The following OR6C68 variants were observed in gnomAD, a reference collection of about 807,000 sequenced individuals.
OR6C68 encodes olfactory receptor 6C68.
For missense variants in OR6C68, 440 were observed against 368.5 expected, an observed-to-expected ratio of 1.19 and a Z score of -1.59; for synonymous variants, 161 against 129.8, an observed-to-expected ratio of 1.24 and a Z score of -1.63.
At position 55,492,812 on chromosome 12, in the gene OR6C68, T is replaced by C. The variant is rs760225447; in HGVS notation, c.435T>C (p.Cys145=). 6.2e-7 allele frequency: 1 copy of C among 1,614,166 alleles called. No homozygotes were observed. Residue 145 remains cysteine (C), a synonymous_variant, in exon 1 of 1, where the codon TGT becomes TGC. Transcript: ENST00000548615. ...SNKVCKTMVI[C]CWMAALMIIL... ...AAGTGTGCAAAACAATGGTTATTTG[T>C]TGTTGGATGGCAGCACTTATGATTA...
rs747724552 is a variant in OR6C68 at position 55,493,283 on chromosome 12, A to G, written c.906A>G (p.Ser302=). ...AAGTTAAACAAGCCTTTCATGACTCACTCAAAAAAATTGCATTTCGTTTAA... is the reference window on the plus strand; with the variant it reads ...AAGTTAAACAAGCCTTTCATGACTCGCTCAAAAAAATTGCATTTCGTTTAA... The part of the protein sequence containing the change: ...NEQVKQAFHD[S]LKKIAFRLKK The change falls in exon 1 of 1, where the codon TCA becomes TCG. Residue 302 remains serine (S), a synonymous_variant. Transcript: ENST00000548615. The G allele has an allele frequency of 6.4e-7, 1 of 1,572,194 alleles. No individual in the cohort carries two copies. Among genetic ancestry groups the G allele is most frequent in the Non-Finnish European group, 8.6e-7 (1 of 1,164,006 alleles).
chr12:55,492,689 C>G lies in OR6C68; in HGVS notation c.312C>G (p.Leu104=). 3 of 1,614,074 alleles carry G rather than the reference C, an allele frequency of 1.9e-6. No individual in the cohort carries two copies. The highest frequency in any genetic ancestry group is 2.5e-6 in the Non-Finnish European group (3 of 1,179,982). ...TCATTCAGCTATTTTTTGCAGACCT[C>G]TTTGGGGTAACTGAATTTTTTCTTT... ...ACVIQLFFAD[L]FGVTEFFLLA... The change falls in exon 1 of 1, where the codon CTC becomes CTG. Residue 104 remains leucine, a synonymous_variant. Transcript: ENST00000548615.
rs963510222 is a variant in OR6C68, at chr12:55,492,794, C to A, written c.417C>A (p.Cys139Ter). The change falls in exon 1 of 1, where the codon TGC (cysteine) becomes TGA (stop). Residue 139 changes from cysteine to a stop codon, truncating the protein, a stop_gained. Coordinates refer to ENST00000548615, the MANE Select transcript of OR6C68 (RefSeq NM_001005519.2). LOFTEE classifies it low-confidence loss of function (END_TRUNC). ...TGGCAATCATGAGCAACAAAGTGTGCAAAACAATGGTTATTTGTTGTTGGA... is the reference window on the plus strand; with the variant it reads ...TGGCAATCATGAGCAACAAAGTGTGAAAAACAATGGTTATTTGTTGTTGGA... ...HYMAIMSNKV[C>*]KTMVICCWMA... The A allele has an allele frequency of 3.1e-6, 5 of 1,614,094 alleles. No homozygotes were observed. Among genetic ancestry groups the A allele is most frequent in the Non-Finnish European group, 4.2e-6 (5 of 1,179,984 alleles).
Position 55,492,583 on chromosome 12 carries a change from T to C in OR6C68, c.206T>C (p.Ile69Thr). The C allele has an allele frequency of 6.2e-7, 1 of 1,613,202 alleles. No individual in the cohort carries two copies. Among genetic ancestry groups the C allele is most frequent in the Non-Finnish European group, 8.5e-7 (1 of 1,179,516 alleles). Reference protein sequence around the residue: ...FFLQNLSFLEISFTATCVPRF... With the variant: ...FFLQNLSFLETSFTATCVPRF... Reference sequence around the variant, plus strand: ...CTCCAAAATTTATCTTTCTTAGAAATCTCATTTACAGCTACCTGTGTTCCA... The same window carrying C: ...CTCCAAAATTTATCTTTCTTAGAAACCTCATTTACAGCTACCTGTGTTCCA... Residue 69 changes from isoleucine to threonine, a missense_variant, in exon 1 of 1, where the codon ATC becomes ACC. Physicochemically the swap from Ile to Thr is moderately conservative, Grantham distance 89. Transcript: ENST00000548615.
In OR6C68 at chr12:55,492,947, A is replaced by G. The variant is rs1407476227; in HGVS notation, c.570A>G (p.Thr190=). Residue 190 remains threonine, a synonymous_variant, in exon 1 of 1, where the codon ACA becomes ACG. Coordinates refer to ENST00000548615, the MANE Select transcript of OR6C68 (RefSeq NM_001005519.2). ...LPILKIPCSD[T]SLIEQMVVAS... ...TTCTGAAAATACCATGCTCAGACAC[A>G]TCATTAATTGAGCAGATGGTTGTAG... The G allele has an allele frequency of 6.2e-7, 1 of 1,612,048 alleles. No homozygotes were observed. The highest frequency in any genetic ancestry group is 1.3e-5 in the African/African-American group (1 of 74,928).
Position 55,492,905 on chromosome 12 carries a change from C to T in OR6C68, c.528C>T (p.Gly176=). The T allele has an allele frequency of 6.2e-7, 1 of 1,612,812 alleles. No homozygotes were observed. Among genetic ancestry groups the T allele is most frequent in the Non-Finnish European group, 8.5e-7 (1 of 1,179,220 alleles). The change falls in exon 1 of 1, where the codon GGC becomes GGT. Residue 176 remains glycine, a synonymous_variant. Coordinates refer to ENST00000548615, the MANE Select transcript of OR6C68 (RefSeq NM_001005519.2). ...FCDSNVINHF[G]CDALPILKIP... The stretch of plus-strand genomic sequence containing the variant: ...ACTCTAATGTCATCAATCATTTTGG[C>T]TGTGATGCATTGCCTATTCTGAAAA...
chr12:55,492,452 T>C lies in OR6C68; in HGVS notation c.75T>C (p.Leu25=), dbSNP rs757280850. The change falls in exon 1 of 1, where the codon CTT becomes CTC. Residue 25 remains leucine (L), a synonymous_variant. Coordinates refer to ENST00000548615, the MANE Select transcript of OR6C68 (RefSeq NM_001005519.2). ...LTEDPQLQVL[L]FMFLFITYML... ...AAGATCCTCAGCTGCAGGTTCTGCTTTTCATGTTTCTATTTATCACCTACA... is the reference window on the plus strand; with the variant it reads ...AAGATCCTCAGCTGCAGGTTCTGCTCTTCATGTTTCTATTTATCACCTACA... 6.2e-7 allele frequency: 1 copy of C among 1,614,038 alleles called. No homozygotes were observed. Among genetic ancestry groups the C allele is most frequent in the Non-Finnish European group, 8.5e-7 (1 of 1,179,918 alleles).
chr12:55,493,203 A>T lies in OR6C68; in HGVS notation c.826A>T (p.Ile276Phe). The change falls in exon 1 of 1, where the codon ATT becomes TTT. Residue 276 changes from isoleucine to phenylalanine, a missense_variant. Coordinates refer to ENST00000548615, the MANE Select transcript of OR6C68 (RefSeq NM_001005519.2). Reference protein sequence around the residue: ...VNINKGVSVLISSISPMLNSF... With the variant: ...VNINKGVSVLFSSISPMLNSF... Reference sequence around the variant, plus strand: ...CATTAATAAAGGTGTGTCAGTGCTTATTTCATCCATATCACCTATGTTGAA... The same window carrying T: ...CATTAATAAAGGTGTGTCAGTGCTTTTTTCATCCATATCACCTATGTTGAA... The T allele has an allele frequency of 6.2e-7, 1 of 1,613,060 alleles. No homozygotes were observed. The highest frequency in any genetic ancestry group is 1.1e-5 in the South Asian group (1 of 91,052).
In OR6C68 at chr12:55,492,867, C is replaced by A. The variant is rs1156872021; in HGVS notation, c.490C>A (p.Leu164Ile). The change falls in exon 1 of 1, where the codon CTA (leucine) becomes ATA (isoleucine). Residue 164 changes from leucine to isoleucine, a missense_variant. Leu to Ile is a conservative substitution (Grantham distance 5). Coordinates refer to ENST00000548615, the MANE Select transcript of OR6C68 (RefSeq NM_001005519.2). Reference sequence around the variant, plus strand: ...CCCACCACTTAGCTTAGGTTTTCATCTAGAATTCTGTGACTCTAATGTCAT... The same window carrying A: ...CCCACCACTTAGCTTAGGTTTTCATATAGAATTCTGTGACTCTAATGTCAT... ...ILPPLSLGFH[L>I]EFCDSNVINH... The A allele has an allele frequency of 1.2e-6, 2 of 1,613,946 alleles. No individual in the cohort carries two copies. Among genetic ancestry groups the A allele is most frequent in the African/African-American group, 2.7e-5 (2 of 75,038 alleles).
In OR6C68 at chr12:55,492,560, C is replaced by T. The variant is rs1872516973; in HGVS notation, c.183C>T (p.Leu61=). 1 of 1,612,672 alleles carries T rather than the reference C, an allele frequency of 6.2e-7. No individual in the cohort carries two copies. The highest frequency in any genetic ancestry group is 8.5e-7 in the Non-Finnish European group (1 of 1,179,586). Residue 61 remains leucine, a synonymous_variant, in exon 1 of 1, where the codon CTC becomes CTT. Coordinates refer to ENST00000548615, the MANE Select transcript of OR6C68 (RefSeq NM_001005519.2). The part of the protein sequence containing the change: ...PHLKTPMYFF[L]QNLSFLEISF... ...TGAAAACACCCATGTATTTTTTTCT[C>T]CAAAATTTATCTTTCTTAGAAATCT...
Position 55,492,453 on chromosome 12 carries a change from T to C in OR6C68, c.76T>C (p.Phe26Leu). ...TEDPQLQVLL[F>L]MFLFITYMLS... is the part of the protein sequence containing the mutation. Reference sequence around the variant, plus strand: ...AGATCCTCAGCTGCAGGTTCTGCTTTTCATGTTTCTATTTATCACCTACAT... The same window carrying C: ...AGATCCTCAGCTGCAGGTTCTGCTTCTCATGTTTCTATTTATCACCTACAT... Residue 26 changes from phenylalanine (F) to leucine (L), a missense_variant, in exon 1 of 1, where the codon TTC becomes CTC. Physicochemically the swap from Phe to Leu is conservative, Grantham distance 22. Transcript: ENST00000548615. The C allele has an allele frequency of 6.2e-7, 1 of 1,614,000 alleles. No individual in the cohort carries two copies.
In OR6C68 at chr12:55,492,943, A is replaced by G. The variant is rs890423957; in HGVS notation, c.566A>G (p.Asp189Gly). 4.3e-6 allele frequency: 7 copies of G among 1,612,282 alleles called. No homozygotes were observed. Among genetic ancestry groups the G allele is most frequent in the Non-Finnish European group, 5.9e-6 (7 of 1,178,898 alleles). The stretch of plus-strand genomic sequence containing the variant: ...CCTATTCTGAAAATACCATGCTCAG[A>G]CACATCATTAATTGAGCAGATGGTT... ...ALPILKIPCS[D>G]TSLIEQMVVA... is the part of the protein sequence containing the mutation. The change falls in exon 1 of 1, where the codon GAC (aspartate) becomes GGC (glycine). Residue 189 changes from aspartate (D) to glycine (G), a missense_variant. Transcript: ENST00000548615.
chr12:55,492,660 T>A lies in OR6C68; in HGVS notation c.283T>A (p.Cys95Ser). ...GAACAAAATAATAACGTATAATGCA[T>A]GTGTCATTCAGCTATTTTTTGCAGA... ...TGNKIITYNA[C>S]VIQLFFADLF... Residue 95 changes from cysteine to serine, a missense_variant, in exon 1 of 1, where the codon TGT becomes AGT. By Grantham distance (112) the Cys-to-Ser change is moderately radical (BLOSUM62 -1). Transcript: ENST00000548615. 6.2e-7 allele frequency: 1 copy of A among 1,614,160 alleles called. No individual in the cohort carries two copies. Among genetic ancestry groups the A allele is most frequent in the Non-Finnish European group, 8.5e-7 (1 of 1,179,988 alleles).
rs754819888 is a variant in OR6C68 at position 55,492,449 on chromosome 12, G to T, written c.72G>T (p.Leu24=). 20 of 1,613,956 alleles carry T rather than the reference G, an allele frequency of 1.2e-5. No individual in the cohort carries two copies. The highest frequency in any genetic ancestry group is 1.6e-5 in the Non-Finnish European group (19 of 1,179,894). Residue 24 remains leucine, a synonymous_variant, in exon 1 of 1, where the codon CTG becomes CTT. Coordinates refer to ENST00000548615, the MANE Select transcript of OR6C68 (RefSeq NM_001005519.2). ...CAGAAGATCCTCAGCTGCAGGTTCT[G>T]CTTTTCATGTTTCTATTTATCACCT... The part of the protein sequence containing the change: ...GLTEDPQLQV[L]LFMFLFITYM...
In OR6C68 at chr12:55,493,117, C is replaced by T. The variant is rs1872535564; in HGVS notation, c.740C>T (p.Ser247Phe). 6.2e-7 allele frequency: 1 copy of T among 1,610,848 alleles called. No individual in the cohort carries two copies. Among genetic ancestry groups the T allele is most frequent in the Non-Finnish European group, 8.5e-7 (1 of 1,179,324 alleles). Reference protein sequence around the residue: ...STCSSHITVVSITYGSCIFIY... With the variant: ...STCSSHITVVFITYGSCIFIY... ...TGTTCTTCACATATTACTGTGGTTT[C>T]CATCACTTATGGCAGCTGCATCTTC... The change falls in exon 1 of 1, where the codon TCC (serine) becomes TTC (phenylalanine). Residue 247 changes from serine to phenylalanine, a missense_variant. Physicochemically the swap from Ser to Phe is radical, Grantham distance 155 (BLOSUM62 -2). Transcript: ENST00000548615.
rs1436253544 is a variant in OR6C68, at chr12:55,492,435, C to T, written c.58C>T (p.Gln20Ter). 1.2e-6 allele frequency: 2 copies of T among 1,613,746 alleles called. No individual in the cohort carries two copies. Among genetic ancestry groups the T allele is most frequent in the East Asian group, 2.2e-5 (1 of 44,890 alleles). Residue 20 changes from glutamine to a stop codon, truncating the protein, a stop_gained, in exon 1 of 1, where the codon CAG becomes TAG. Transcript: ENST00000548615. LOFTEE classifies it low-confidence loss of function (END_TRUNC). ...CCTTCTGGGACTGACAGAAGATCCTCAGCTGCAGGTTCTGCTTTTCATGTT... is the reference window on the plus strand; with the variant it reads ...CCTTCTGGGACTGACAGAAGATCCTTAGCTGCAGGTTCTGCTTTTCATGTT... ...FILLGLTEDP[Q>*]LQVLLFMFLF...
In OR6C68 at chr12:55,493,101, C is replaced by T. The variant is rs1175936350; in HGVS notation, c.724C>T (p.His242Tyr). 1.2e-6 allele frequency: 2 copies of T among 1,608,908 alleles called. No individual in the cohort carries two copies. The highest frequency in any genetic ancestry group is 1.7e-6 in the Non-Finnish European group (2 of 1,178,762). Reference sequence around the variant, plus strand: ...AAAAGCCTTTTCTACCTGTTCTTCACATATTACTGTGGTTTCCATCACTTA... The same window carrying T: ...AAAAGCCTTTTCTACCTGTTCTTCATATATTACTGTGGTTTCCATCACTTA... ...KKKAFSTCSS[H>Y]ITVVSITYGS... Residue 242 changes from histidine (H) to tyrosine (Y), a missense_variant, in exon 1 of 1, where the codon CAT becomes TAT. By Grantham distance (83) the His-to-Tyr change is moderately conservative. Coordinates refer to ENST00000548615, the MANE Select transcript of OR6C68 (RefSeq NM_001005519.2).
rs775911619 is a variant in OR6C68, at chr12:55,492,415, T to C, written c.38T>C (p.Leu13Pro). 6.2e-7 allele frequency: 1 copy of C among 1,613,164 alleles called. No homozygotes were observed. The highest frequency in any genetic ancestry group is 8.5e-7 in the Non-Finnish European group (1 of 1,179,684). The change falls in exon 1 of 1, where the codon CTG becomes CCG. Residue 13 changes from leucine to proline, a missense_variant. Leu to Pro is a moderately conservative substitution (Grantham distance 98). Coordinates refer to ENST00000548615, the MANE Select transcript of OR6C68 (RefSeq NM_001005519.2). ...KHTAITTFIL[L>P]GLTEDPQLQV... ...ACAGCAATAACAACATTCATCCTTC[T>C]GGGACTGACAGAAGATCCTCAGCTG...
At position 55,493,231 on chromosome 12, in the gene OR6C68, C is replaced by A. The variant is rs1036361423; in HGVS notation, c.854C>A (p.Ser285Tyr). 2.5e-6 allele frequency: 4 copies of A among 1,612,340 alleles called. No homozygotes were observed. The African/African-American group carries it at 5.3e-5, about 22-fold the overall frequency. ...TCATCCATATCACCTATGTTGAATT[C>A]TTTCATATATACTCTTAGGAATGAG... is the stretch of plus-strand genomic sequence containing the variant. ...LISSISPMLN[S>Y]FIYTLRNEQV... The change falls in exon 1 of 1, where the codon TCT becomes TAT. Residue 285 changes from serine to tyrosine, a missense_variant. By Grantham distance (144) the Ser-to-Tyr change is moderately radical. Transcript: ENST00000548615.
Sources: allele counts gnomAD v4.1 joint callset, GRCh38; gene constraint gnomAD v4.1.1; transcripts MANE v1.5; gene names NCBI Gene and HGNC (gene_info 2026-07-23, HGNC 2026-07-21).